Variants in PAPPA2 observed in about 807,000 individuals in gnomAD.
PAPPA2 encodes the protein pappalysin 2, also known as pappalysin-2.
PAPPA2 carries 86 observed loss-of-function variants against 176.4 expected under a neutral mutation model. The observed-to-expected ratio is 0.49, with a 90% CI of 0.41 to 0.58. The LOEUF (loss-of-function observed/expected upper bound fraction) is 0.58, where lower values mean the gene tolerates loss of function less well. Ranked by LOEUF, PAPPA2 falls within the 20% of genes least tolerant of loss-of-function variation. PAPPA2 has a pLI of 0.00. For missense variants in PAPPA2, 2,073 were observed against 2,256.9 expected (o/e 0.92, Z 1.65); for synonymous variants, 809 against 852.2 (o/e 0.95, Z 0.88).
chr1:176,611,926 T>C (rs1324965368), intron 3 of PAPPA2, among the ~76,000 whole-genome samples: 1 of 152,198 alleles, frequency 6.6e-6, no homozygotes, highest in Non-Finnish European at 1.5e-5. Flanking sequence ...CCTTATATAT[T>C]TTGACACATA....
chr1:176,727,129 G>A (rs976331035), intron 12 of PAPPA2, among the ~76,000 whole-genome samples: 3 of 152,092 alleles, frequency 2.0e-5, no homozygotes, highest in Non-Finnish European at 4.4e-5. Context: ...AAAATAAATG[G>A]ATTCAAAGAA....
chr1:176,523,872 G>A (rs748725618), intron 1 of PAPPA2, among the ~76,000 whole-genome samples: 2 of 152,202 alleles, frequency 1.3e-5, no homozygotes, highest in African/African-American at 4.8e-5. Flanking sequence ...CCCCACTTTT[G>A]TACCTTGGCA....
intron 1 of PAPPA2, among the ~76,000 whole-genome samples, chr1:176,483,457 C>T (rs1029366494): frequency 3.1e-5 from 4 of 128,524 alleles, no homozygotes; most frequent in African/African-American, 1.2e-4. Context: ...GAAACTCAGA[C>T]ATCTTTTTTT....
At chr1:176,808,024 C>T (rs149272432) in intron 21 of PAPPA2, among the ~76,000 whole-genome samples, 5 of 152,262 alleles carry the variant, frequency 3.3e-5, no homozygotes, top group African/African-American at 1.2e-4. Flanking sequence ...GACCCCATCT[C>T]GGATCATTAC....
At chr1:176,625,400 C>T (rs771444642) in intron 3 of PAPPA2, among the ~76,000 whole-genome samples, 18 of 152,280 alleles carry the variant, frequency 1.2e-4, no homozygotes, top group African/African-American at 9.6e-5. Context: ...ATGTCTCATT[C>T]GTCTGTGTCT....
chr1:176,627,300 C>A (rs564938944), intron 3 of PAPPA2, among the ~76,000 whole-genome samples: 3 of 152,228 alleles, frequency 2.0e-5, no homozygotes, highest in Non-Finnish European at 2.9e-5. Flanking sequence ...TGGATTAAGT[C>A]AACAACTTGT....
At chr1:176,781,931 C>T (rs1571319406) in intron 17 of PAPPA2, among the ~76,000 whole-genome samples, 1 of 152,194 alleles carries the variant, frequency 6.6e-6, no homozygotes, top group East Asian at 1.9e-4. Flanking sequence ...GACAAAACAA[C>T]TAATTAATGC....
chr1:176,553,187 A>G (rs933856173), intron 1 of PAPPA2, among the ~76,000 whole-genome samples: 1 of 147,676 alleles, frequency 6.8e-6, no homozygotes. Context: ...CTTTCCGCAC[A>G]TGTCAAACAG....
At chr1:176,519,109 G>A (rs1282279675) in intron 1 of PAPPA2, among the ~76,000 whole-genome samples, 1 of 152,192 alleles carries the variant, frequency 6.6e-6, no homozygotes, top group African/African-American at 2.4e-5. Context: ...TATCCTTGCA[G>A]TTCAATTCAA....
chr1:176,695,568 A>T (rs1660336377), intron 6 of PAPPA2, among the ~76,000 whole-genome samples, 170 bp from the exon 7 acceptor site: 1 of 152,136 alleles, frequency 6.6e-6, no homozygotes, highest in Admixed American at 6.5e-5. Context: ...TGCAAAGATG[A>T]GGTCCACACA....
In PAPPA2 at chr1:176,592,651, A is replaced by T. The variant is rs1475957038; in HGVS notation, c.920-1873A>T. ...TCATGCTAATTATCTGGTAACTTATATGTCAAGCCTAACAATTTATATCTG... is the reference window on the plus strand; with the variant it reads ...TCATGCTAATTATCTGGTAACTTATTTGTCAAGCCTAACAATTTATATCTG... On this transcript the variant is annotated intron_variant, in intron 2 of 22. Transcript: ENST00000367662. 2.0e-5 allele frequency among the ~76,000 whole-genome samples: 3 copies of T among 152,284 alleles called. No homozygotes were observed. In the East Asian group the frequency reaches 5.8e-4, roughly 29 times the overall value.
chr1:176,558,080 T>G (rs1386260623), intron 2 of PAPPA2, among the ~76,000 whole-genome samples: 1 of 152,212 alleles, frequency 6.6e-6, no homozygotes, highest in East Asian at 1.9e-4. Flanking sequence ...GTTGCCTTAC[T>G]GGGAAAGTTG....
intron 3 of PAPPA2, among the ~76,000 whole-genome samples, chr1:176,627,715 A>G (rs1656109154): frequency 6.6e-6 from 1 of 152,208 alleles, no homozygotes; most frequent in South Asian, 2.1e-4. Flanking sequence ...GAAGAAACCT[A>G]TAGAAGGTGA....
intron 21 of PAPPA2, among the ~76,000 whole-genome samples, chr1:176,830,752 A>G (rs1246047604): frequency 6.6e-6 from 1 of 152,254 alleles, no homozygotes; most frequent in African/African-American, 2.4e-5. Flanking sequence ...CAATGGGGAC[A>G]GTGAGGTCTG....
chr1:176,636,890 C>G lies in PAPPA2; in HGVS notation c.1992-34080C>G, dbSNP rs189440955. Reference sequence around the variant, plus strand: ...GTAAGGCATGTATGCAATGAGCTCACAAAGTGGTAGTGGGAATAGATAAAA... The same window carrying G: ...GTAAGGCATGTATGCAATGAGCTCAGAAAGTGGTAGTGGGAATAGATAAAA... On this transcript the variant is annotated intron_variant, in intron 3 of 22. Coordinates refer to ENST00000367662, the MANE Select transcript of PAPPA2 (RefSeq NM_020318.3). 5.5e-4 allele frequency among the ~76,000 whole-genome samples: 84 copies of G among 152,090 alleles called. No homozygotes were observed. The Middle Eastern group carries it at 0.02, about 37-fold the overall frequency.
At chr1:176,830,359 A>G (rs1313689941) in intron 21 of PAPPA2, among the ~76,000 whole-genome samples, 1 of 152,232 alleles carries the variant, frequency 6.6e-6, no homozygotes, top group Admixed American at 6.5e-5. Flanking sequence ...AGTTTAATCC[A>G]TCAAATATTC....
chr1:176,809,251 T>C (rs567301959), intron 21 of PAPPA2, among the ~76,000 whole-genome samples: 1 of 152,342 alleles, frequency 6.6e-6, no homozygotes, highest in South Asian at 2.1e-4. Context: ...TTATGTGTCA[T>C]TATCATCTGA....
chr1:176,677,890 G>A (rs1351671257), intron 4 of PAPPA2, among the ~76,000 whole-genome samples: 1 of 152,200 alleles, frequency 6.6e-6, no homozygotes, highest in African/African-American at 2.4e-5. Flanking sequence ...TGCCCTTAAG[G>A]GGTGCACAGC....
chr1:176,758,721 G>T (rs947138208), intron 14 of PAPPA2, among the ~76,000 whole-genome samples: 1 of 152,142 alleles, frequency 6.6e-6, no homozygotes, highest in African/African-American at 2.4e-5. Flanking sequence ...GCAATATTTT[G>T]TTTAACTGAA....
Sources: gnomAD v4.1 joint callset for allele counts (sites outside exome capture counted in the v4.1 genomes callset) on GRCh38, gnomAD v4.1.1 for gene constraint, MANE v1.5 for transcripts, NCBI Gene and HGNC (gene_info 2026-07-23, HGNC 2026-07-21) for gene names.